CACNA1I: variants seen among roughly 807,000 people sequenced by gnomAD.
CACNA1I encodes the protein calcium voltage-gated channel subunit alpha1 I, also known as voltage-dependent T-type calcium channel subunit alpha-1I.
Under a neutral mutation model 201.6 loss-of-function variants are expected in CACNA1I, and 74 were observed. The observed-to-expected ratio is 0.37, with a 90% confidence interval of 0.30 to 0.45. CACNA1I has a LOEUF of 0.45. Ranked by LOEUF, CACNA1I falls within the 20% of genes least tolerant of loss-of-function variation. The pLI, the probability that CACNA1I is intolerant of heterozygous loss-of-function variation, is 1.00. For synonymous variants in CACNA1I, 1,431 were observed against 1,345.2 expected (o/e 1.06, Z -1.40); for missense variants, 2,346 against 3,138.1 (o/e 0.75, Z 6.03).
At chr22:39,657,843 T>C (rs1284588383) in intron 10 of CACNA1I, among the ~76,000 whole-genome samples, 1 of 152,242 alleles carries the variant, frequency 6.6e-6, no homozygotes, top group Non-Finnish European at 1.5e-5. Context: ...AAGCCTCTTT[T>C]TCCTCATCCG....
chr22:39,573,106 A>G (rs1183445422), intron 1 of CACNA1I, among the ~76,000 whole-genome samples: 1 of 152,134 alleles, frequency 6.6e-6, no homozygotes, highest in Non-Finnish European at 1.5e-5. Context: ...GGCTTGTGGC[A>G]TGTGAACAGA....
Position 39,665,840 on chromosome 22 carries a change from C to A in CACNA1I, c.3979-41C>A, listed in dbSNP as rs760293667. The A allele has an allele frequency of 1.2e-6, 2 of 1,613,048 alleles. No homozygotes were observed. The highest frequency in any genetic ancestry group is 1.1e-5 in the South Asian group (1 of 91,056). Reference sequence around the variant, plus strand: ...AGGCGAGTTCCTCTCTGACTTGCAACCCTCACCTGTGAGAGCACCAACCTC... The same window carrying A: ...AGGCGAGTTCCTCTCTGACTTGCAAACCTCACCTGTGAGAGCACCAACCTC... On this transcript the variant is annotated intron_variant, in intron 22 of 36. Transcript: ENST00000402142. This position sits in a 1 kb window ranked among gnomAD's most constrained non-coding sequence, Gnocchi z 5.5.
Position 39,661,120 on chromosome 22 carries a change from G to A in CACNA1I, c.2711G>A (p.Cys904Tyr). 6.2e-7 allele frequency: 1 copy of A among 1,613,208 alleles called. No individual in the cohort carries two copies. The highest frequency in any genetic ancestry group is 8.5e-7 in the Non-Finnish European group (1 of 1,179,664). The part of the protein sequence containing the change: ...GLDSSGDPKL[C>Y]PIPMTPNGHL... ...CTCACTCCTCCAGATCCCAAGCTCT[G>A]CCCAATCCCCATGACCCCCAATGGG... Residue 904 changes from cysteine to tyrosine, a missense_variant, in exon 16 of 37, where the codon TGC (cysteine) becomes TAC (tyrosine). Transcript: ENST00000402142.
chr22:39,631,843 T>G (rs1934072443), intron 4 of CACNA1I, among the ~76,000 whole-genome samples: 1 of 152,154 alleles, frequency 6.6e-6, no homozygotes, highest in African/African-American at 2.4e-5. Flanking sequence ...CATAGTCTCT[T>G]GGGGTCCTCC....
chr22:39,613,438 C>T (rs561764384), intron 3 of CACNA1I, among the ~76,000 whole-genome samples: 1 of 152,172 alleles, frequency 6.6e-6, no homozygotes, highest in African/African-American at 2.4e-5. Context: ...TTCGTGGGCG[C>T]GTGTGAGCTG....
intron 1 of CACNA1I, among the ~76,000 whole-genome samples, chr22:39,587,209 G>A (rs891853315): frequency 6.6e-6 from 1 of 152,190 alleles, no homozygotes; most frequent in Non-Finnish European, 1.5e-5. Flanking sequence ...AATACAATGA[G>A]TTCTTATACA....
rs1011131588 is a variant in CACNA1I at position 39,638,613 on chromosome 22, T to C, written c.741-2254T>C. 2.0e-5 allele frequency among the ~76,000 whole-genome samples: 3 copies of C among 152,212 alleles called. No individual in the cohort carries two copies. In the East Asian group the frequency reaches 5.8e-4, roughly 29 times the overall value. Reference sequence around the variant, plus strand: ...TTGGTGAGTGTTTCTTCCTATATATTGGCCATTTTTTATTTCTTCTGTGAA... The same window carrying C: ...TTGGTGAGTGTTTCTTCCTATATATCGGCCATTTTTTATTTCTTCTGTGAA... On this transcript the variant is annotated intron_variant, in intron 5 of 36. Coordinates refer to ENST00000402142, the MANE Select transcript of CACNA1I (RefSeq NM_021096.4).
chr22:39,609,881 A>G (rs1170950165), intron 3 of CACNA1I, among the ~76,000 whole-genome samples: 1 of 152,120 alleles, frequency 6.6e-6, no homozygotes, highest in Non-Finnish European at 1.5e-5. Context: ...CCCTGGTTAG[A>G]GCTTCTGGAG....
intron 5 of CACNA1I, among the ~76,000 whole-genome samples, chr22:39,638,184 C>T (rs188869201): frequency 1.2e-4 from 19 of 152,358 alleles, no homozygotes; most frequent in Admixed American, 5.2e-4. Flanking sequence ...AAGCGATCCA[C>T]CCACCTCGGC....
rs553781069 is a variant in CACNA1I, at chr22:39,635,489, T to C, written c.740+765T>C. Among the ~76,000 whole-genome samples the C allele has an allele frequency of 1.2e-4, 18 of 152,278 alleles. No individual in the cohort carries two copies. In the East Asian group the frequency reaches 3.3e-3, roughly 28 times the overall value. ...GTGGGGACACTGTACAGGTGAGGGCTAGTTTCTCCCTCCCGGCCTGGTTGG... is the reference window on the plus strand; with the variant it reads ...GTGGGGACACTGTACAGGTGAGGGCCAGTTTCTCCCTCCCGGCCTGGTTGG... On this transcript the variant is annotated intron_variant, in intron 5 of 36. Coordinates refer to ENST00000402142, the MANE Select transcript of CACNA1I (RefSeq NM_021096.4).
intron 2 of CACNA1I, among the ~76,000 whole-genome samples, chr22:39,599,169 C>T (rs1354902254): frequency 1.4e-5 from 2 of 147,594 alleles, no homozygotes; most frequent in Non-Finnish European, 3.0e-5. Context: ...AGGATGGTCT[C>T]AATCTCCTGA....
chr22:39,683,301 TGAG>T (rs1935757080), intron 35 of CACNA1I, among the ~76,000 whole-genome samples: 1 of 152,022 alleles, frequency 6.6e-6, no homozygotes, highest in Non-Finnish European at 1.5e-5. Context: ...GGCAGAGAGA[TGAG>T]GAGCCCAGCA....
chr22:39,674,232 G>A (rs1935455852), intron 29 of CACNA1I, among the ~76,000 whole-genome samples, 199 bp downstream of exon 29: 1 of 152,196 alleles, frequency 6.6e-6, no homozygotes, highest in Admixed American at 6.5e-5. Context: ...TTCACCATGT[G>A]GTTGCCAGTG....
chr22:39,652,675 C>T (rs1331539998), intron 10 of CACNA1I, among the ~76,000 whole-genome samples: 3 of 152,176 alleles, frequency 2.0e-5, no homozygotes, highest in East Asian at 1.9e-4. Flanking sequence ...GAGGCTGTGG[C>T]GAGAGGATCA....
At chr22:39,669,931 C>T in intron 24 of CACNA1I, 107 bp from the exon 25 acceptor site, 2 of 1,256,690 alleles carry the variant, frequency 1.6e-6, no homozygotes, top group Non-Finnish European at 2.3e-6. Flanking sequence ...TTCCTGGAGG[C>T]AGGCTCAACA....
chr22:39,679,338 A>T lies in CACNA1I; in HGVS notation c.5287A>T (p.Arg1763Trp). 6.5e-7 allele frequency: 1 copy of T among 1,545,782 alleles called. No homozygotes were observed. Among genetic ancestry groups the T allele is most frequent in the Non-Finnish European group, 8.7e-7 (1 of 1,145,938 alleles). ...GGCCCATGGCCTGGGCCCTGGCCCGAGGCTGCCTACCGGCTCCCCGGGCGC... is the reference window on the plus strand; with the variant it reads ...GGCCCATGGCCTGGGCCCTGGCCCGTGGCTGCCTACCGGCTCCCCGGGCGC... The part of the protein sequence containing the change: ...EMAHGLGPGP[R>W]LPTGSPGAPG... Residue 1763 changes from arginine to tryptophan, a missense_variant, in exon 32 of 37, where the codon AGG becomes TGG. Transcript: ENST00000402142.
At chr22:39,678,616 C>T (rs988376687) in intron 31 of CACNA1I, among the ~76,000 whole-genome samples, 4 of 152,172 alleles carry the variant, frequency 2.6e-5, no homozygotes, top group Non-Finnish European at 5.9e-5. Context: ...GCCCCCAGTG[C>T]CCCCAGCAAG....
chr22:39,584,893 C>T (rs754936360), intron 1 of CACNA1I, among the ~76,000 whole-genome samples: 21 of 152,184 alleles, frequency 1.4e-4, no homozygotes, highest in African/African-American at 1.9e-4. Context: ...AATATCATCA[C>T]GGCCATCACT....
intron 4 of CACNA1I, among the ~76,000 whole-genome samples, chr22:39,631,038 G>T (rs986352979): frequency 6.6e-6 from 1 of 152,172 alleles, no homozygotes; most frequent in South Asian, 2.1e-4. Context: ...GAAGGTGGGG[G>T]ATAAGGATTT....
Sources: allele counts gnomAD v4.1 joint callset (sites outside exome capture counted in the v4.1 genomes callset), GRCh38; gene constraint gnomAD v4.1.1; non-coding constraint Gnocchi (gnomAD v3.1); transcripts MANE v1.5; gene names NCBI Gene and HGNC (gene_info 2026-07-23, HGNC 2026-07-21).